The following KIF21B variants were observed in gnomAD, a reference collection of about 807,000 sequenced individuals.
KIF21B encodes the protein kinesin-like protein KIF21B.
KIF21B carries 85 observed loss-of-function variants against 192.9 expected under a neutral mutation model. The ratio of observed to expected loss-of-function variants is 0.44; its 90% CI spans 0.37 to 0.53. KIF21B has a LOEUF of 0.53. KIF21B is among the 20% of genes least tolerant of loss of function. KIF21B has a pLI of 0.00. For missense variants in KIF21B, 1,716 were observed against 2,194.8 expected, an observed-to-expected ratio of 0.78 and a Z score of 4.36; for synonymous variants, 832 against 884.6, an observed-to-expected ratio of 0.94 and a Z score of 1.05.
In KIF21B at chr1:200,988,353, G is replaced by A. The variant is rs1317031490; in HGVS notation, c.3351C>T (p.Ser1117=). The A allele has an allele frequency of 6.2e-7, 1 of 1,614,170 alleles. No homozygotes were observed. Among genetic ancestry groups the A allele is most frequent in the South Asian group, 1.1e-5 (1 of 91,086 alleles). The stretch of plus-strand genomic sequence containing the variant: ...CTTTCATGGTGAATGACTGGGAGAA[G>A]CTGAGGAAGAAGCAGAGAGAGTTCA... ...DEEISEFSEG[S]FSQSFTMKGS... is the part of the protein sequence containing the mutation. The change falls in exon 24 of 35, where the codon AGC becomes AGT. Residue 1117 remains serine (S), a splice_region_variant and synonymous_variant. Coordinates refer to ENST00000461742, the MANE Select transcript of KIF21B (RefSeq NM_001252102.2).
intron 1 of KIF21B, among the ~76,000 whole-genome samples, chr1:201,011,533 G>A (rs1658236485): frequency 6.6e-6 from 1 of 152,224 alleles, no homozygotes; most frequent in South Asian, 2.1e-4. Context: ...GAGTGCCAGG[G>A]GGAAAGAACA....
chr1:200,977,322 G>A lies in KIF21B; in HGVS notation c.4215C>T (p.Ala1405=). Residue 1405 remains alanine, a synonymous_variant, in exon 31 of 35, where the codon GCC becomes GCT. Transcript: ENST00000461742. Reference sequence around the variant, plus strand: ...GATGCTCGCCCTGAGCACTGGTGATGGCACGGGTGGATGTGGCGGCACAGG... The same window carrying A: ...GATGCTCGCCCTGAGCACTGGTGATAGCACGGGTGGATGTGGCGGCACAGG... ...GDACAATSTR[A]ITSAQGEHQI... 1 of 1,614,262 alleles carries A rather than the reference G, an allele frequency of 6.2e-7. No homozygotes were observed. The highest frequency in any genetic ancestry group is 8.5e-7 in the Non-Finnish European group (1 of 1,180,040).
At position 201,004,871 on chromosome 1, in the gene KIF21B, G is replaced by A. The variant is rs897264508; in HGVS notation, c.795C>T (p.Leu265=). ...GGTCCACAAAGTGAAACTTAGCAGTGAGTGTCTCATACTCACTCGAGGGAG... is the reference window on the plus strand; with the variant it reads ...GGTCCACAAAGTGAAACTTAGCAGTAAGTGTCTCATACTCACTCGAGGGAG... ...GTPPSSEYET[L]TAKFHFVDLA... The change falls in exon 6 of 35, where the codon CTC becomes CTT. Residue 265 remains leucine (L), a synonymous_variant. Transcript: ENST00000461742. 3 of 1,614,130 alleles carry A rather than the reference G, an allele frequency of 1.9e-6. No homozygotes were observed. Among genetic ancestry groups the A allele is most frequent in the Non-Finnish European group, 2.5e-6 (3 of 1,180,024 alleles).
At chr1:200,987,252 T>C in intron 24 of KIF21B, 51 bp from the exon 25 acceptor site, 2 of 1,496,720 alleles carry the variant, frequency 1.3e-6, no homozygotes, top group Non-Finnish European at 1.8e-6. Flanking sequence ...GCATGGCACA[T>C]AAAGGGGAGC....
chr1:201,022,697 A>G (rs1339300289), intron 1 of KIF21B, among the ~76,000 whole-genome samples: 1 of 152,150 alleles, frequency 6.6e-6, no homozygotes, highest in Non-Finnish European at 1.5e-5. Context: ...GGGCATCTGC[A>G]TCACACCCTC....
chr1:201,005,383 G>A lies in KIF21B; in HGVS notation c.657C>T (p.Asn219=), dbSNP rs368580491. ...LSRTTASTQM[N]VQSSRSHAIF... is the part of the protein sequence containing the mutation. ...TGGCGTGGGAGCGTGAGCTCTGCAC[G>A]TTCATCTGGGTGCTGGCTGTGGTGC... Residue 219 remains asparagine (N), a synonymous_variant, in exon 5 of 35, where the codon AAC becomes AAT. Coordinates refer to ENST00000461742, the MANE Select transcript of KIF21B (RefSeq NM_001252102.2). 124 of 1,613,264 alleles carry A rather than the reference G, an allele frequency of 7.7e-5. No homozygotes were observed. Among genetic ancestry groups the A allele is most frequent in the East Asian group, 1.3e-4 (6 of 44,892 alleles).
Position 201,007,695 on chromosome 1 carries a change from C to T in KIF21B, c.447+1074G>A, listed in dbSNP as rs578240456. Among the ~76,000 whole-genome samples the T allele has an allele frequency of 4.0e-3, 602 of 151,138 alleles. 3 individuals are homozygous for T. The highest frequency in any genetic ancestry group is 0.012 in the African/African-American group (493 of 41,100). On this transcript the variant is annotated intron_variant, in intron 3 of 34. Transcript: ENST00000461742. ...ACATAGACACACGCACAGACACACA[C>T]AGACAGATGCGCACACAGACACATA...
chr1:201,009,130 G>A (rs1016317185), intron 2 of KIF21B, 136 bp downstream of exon 2: 13 of 1,102,642 alleles, frequency 1.2e-5, no homozygotes, highest in Middle Eastern at 2.9e-4. Flanking sequence ...GCTAACCAGC[G>A]GTGCAACGGC....
rs1377037210 is a variant in KIF21B at position 200,982,986 on chromosome 1, A to T, written c.3842+70T>A. 1.4e-6 allele frequency: 2 copies of T among 1,406,984 alleles called. No individual in the cohort carries two copies. The highest frequency in any genetic ancestry group is 1.9e-6 in the Non-Finnish European group (2 of 1,029,696). 87.2% of individuals were successfully genotyped at this position (1,406,984 alleles called of 1,614,324 possible). A position where few individuals can be genotyped will look rare whatever the true frequency, so the allele number is the denominator to read the frequency against. On this transcript the variant is annotated intron_variant, in intron 28 of 34. Transcript: ENST00000461742. This position sits in a 1 kb window ranked among gnomAD's most constrained non-coding sequence, Gnocchi z 4.7. ...GGGTGTCAGGCGGGAGGGATGCAGC[A>T]AGAGACAGAGAAGAGAGGGTGCCGA...
At chr1:200,991,609 A>C (rs1558009153) in intron 17 of KIF21B, 48 bp downstream of exon 17, 1 of 1,567,426 alleles carries the variant, frequency 6.4e-7, no homozygotes. Flanking sequence ...ATGCACGCAC[A>C]CATGTGCAGC....
Position 200,990,257 on chromosome 1 carries a change from C to T in KIF21B, c.2911G>A (p.Glu971Lys), listed in dbSNP as rs1656595748. ...RERLQAESPE[E>K]EKGLQELAEE... ...GCCAGCTCCTGCAGCCCCTTCTCTT[C>T]CTCGGGGCTCTCAGCCTGCAGCCGC... The change falls in exon 20 of 35, where the codon GAA becomes AAA. Residue 971 changes from glutamate to lysine, a missense_variant. Glu to Lys is a moderately conservative substitution (Grantham distance 56). Around this residue, in one of 3 missense-constraint regions of KIF21B, gnomAD observed 1,087 missense variants for 1,316.6 expected, o/e 0.83. Coordinates refer to ENST00000461742, the MANE Select transcript of KIF21B (RefSeq NM_001252102.2). This position sits in a 1 kb window ranked among gnomAD's most constrained non-coding sequence, Gnocchi z 5.4. 6.2e-7 allele frequency: 1 copy of T among 1,613,920 alleles called. No individual in the cohort carries two copies. Among genetic ancestry groups the T allele is most frequent in the East Asian group, 2.2e-5 (1 of 44,890 alleles).
Position 201,005,639 on chromosome 1 carries a change from C to A in KIF21B, c.503G>T (p.Arg168Leu), listed in dbSNP as rs754943866. Residue 168 changes from arginine (R) to leucine (L), a missense_variant, in exon 4 of 35, where the codon CGC becomes CTC. Coordinates refer to ENST00000461742, the MANE Select transcript of KIF21B (RefSeq NM_001252102.2). ...GATCTTGATGTTGGACCTGCGGTGG[C>A]GGGTGTCAGGGTCACGGGTGCTGTC... Reference protein sequence around the residue: ...LFDSTRDPDTRHRRSNIKIHE... With the variant: ...LFDSTRDPDTLHRRSNIKIHE... 6.2e-7 allele frequency: 1 copy of A among 1,614,104 alleles called. No homozygotes were observed. The highest frequency in any genetic ancestry group is 8.5e-7 in the Non-Finnish European group (1 of 1,180,014).
intron 15 of KIF21B, among the ~76,000 whole-genome samples, chr1:200,992,971 A>G (rs939754433): frequency 1.3e-5 from 2 of 152,208 alleles, no homozygotes; most frequent in Non-Finnish European, 2.9e-5. Context: ...AAAGGACTTA[A>G]AGTCATAAAA....
intron 14 of KIF21B, among the ~76,000 whole-genome samples, chr1:200,997,658 G>A (rs763427665): frequency 4.6e-5 from 7 of 152,160 alleles, no homozygotes; most frequent in Non-Finnish European, 7.3e-5. Flanking sequence ...CAGGAGAATC[G>A]ATTGAACCGG....
intron 1 of KIF21B, among the ~76,000 whole-genome samples, chr1:201,022,647 A>C (rs1457777743): frequency 6.6e-6 from 1 of 152,140 alleles, no homozygotes; most frequent in Non-Finnish European, 1.5e-5. Context: ...AAGTCTAGGC[A>C]ACCCTCCCCT....
chr1:200,979,211 G>T (rs1655752083), intron 30 of KIF21B, among the ~76,000 whole-genome samples: 1 of 152,220 alleles, frequency 6.6e-6, no homozygotes, highest in African/African-American at 2.4e-5. Context: ...GGCTTTGGAG[G>T]CTCACCCTGT....
At position 201,017,019 on chromosome 1, in the gene KIF21B, A is replaced by G. The variant is rs1427737220; in HGVS notation, c.41+6324T>C. On this transcript the variant is annotated intron_variant, in intron 1 of 34. Transcript: ENST00000461742. The surrounding 1 kb of genome is among the most constrained non-coding windows in gnomAD (Gnocchi z 4.1). Reference sequence around the variant, plus strand: ...TGTCAGCTTGGGATGCTTGGGGTTCAGGACTCTGACCCCACCCCCTCCTCT... The same window carrying G: ...TGTCAGCTTGGGATGCTTGGGGTTCGGGACTCTGACCCCACCCCCTCCTCT... Among the ~76,000 whole-genome samples the G allele has an allele frequency of 2.0e-5, 3 of 152,118 alleles. No individual in the cohort carries two copies. The highest frequency in any genetic ancestry group is 2.0e-4 in the Admixed American group (3 of 15,270).
In KIF21B at chr1:201,017,915, A is replaced by G. The variant is rs796784540; in HGVS notation, c.41+5428T>C. 2.6e-5 allele frequency among the ~76,000 whole-genome samples: 4 copies of G among 152,314 alleles called. No homozygotes were observed. Among genetic ancestry groups the G allele is most frequent in the African/African-American group, 9.6e-5 (4 of 41,560 alleles). On this transcript the variant is annotated intron_variant, in intron 1 of 34. Coordinates refer to ENST00000461742, the MANE Select transcript of KIF21B (RefSeq NM_001252102.2). The surrounding 1 kb of genome is among the most constrained non-coding windows in gnomAD (Gnocchi z 4.1). ...AAGTCCTCCAGAAACAGGGTACTGC[A>G]GCCAACACTGCTGCCGCCTGCCCTG... is the stretch of plus-strand genomic sequence containing the variant.
At chr1:200,983,028 C>T in intron 28 of KIF21B, 28 bp downstream of exon 28, 1 of 1,534,262 alleles carries the variant, frequency 6.5e-7, no homozygotes, top group Non-Finnish European at 8.7e-7. Context: ...GAGTGGGGAA[C>T]CAAACACGAG....
Sources: gnomAD v4.1 joint callset for allele counts (sites outside exome capture counted in the v4.1 genomes callset) on GRCh38, gnomAD v4.1.1 for gene constraint, gnomAD v4.1.1 regional missense constraint, Gnocchi (gnomAD v3.1) non-coding constraint, MANE v1.5 for transcripts, NCBI Gene and HGNC (gene_info 2026-07-23, HGNC 2026-07-21) for gene names.